ASIC2: variants seen among roughly 807,000 people sequenced by gnomAD.
ASIC2 encodes acid-sensing ion channel 2.
In ASIC2, 25 loss-of-function variants were observed where a neutral mutation model predicts 57.3. The ratio of observed to expected loss-of-function variants is 0.44; its 90% CI spans 0.32 to 0.61. The LOEUF is 0.61. ASIC2 is among the 20% of genes least tolerant of loss of function. The probability of loss-of-function intolerance (pLI) is 0.06; values close to 1 mark genes in which losing one functional copy is unlikely to be tolerated. For synonymous variants in ASIC2, 319 were observed against 307.5 expected (o/e 1.04, Z -0.39); for missense variants, 641 against 738.1 (o/e 0.87, Z 1.52).
intron 1 of ASIC2, among the ~76,000 whole-genome samples, chr17:34,124,046 C>T (rs936032699): frequency 3.3e-5 from 5 of 152,044 alleles, no homozygotes; most frequent in Non-Finnish European, 1.5e-5. Context: ...ATGCCACTGC[C>T]CTCCCGCCTG....
At chr17:33,029,432 A>G (rs1319617335) in intron 3 of ASIC2, among the ~76,000 whole-genome samples, 1 of 152,204 alleles carries the variant, frequency 6.6e-6, no homozygotes, top group Non-Finnish European at 1.5e-5. Context: ...TCTGAGGTTC[A>G]TCTACATGGT....
rs765631881 is a variant in ASIC2 at position 33,021,242 on chromosome 17, G to A, written c.1418C>T (p.Ala473Val). Reference sequence around the variant, plus strand: ...ACCAAGTAAGGCAGCAACTTCATACGCCTTCTTCTGTTCAATTGTCTCATA... The same window carrying A: ...ACCAAGTAAGGCAGCAACTTCATACACCTTCTTCTGTTCAATTGTCTCATA... The part of the protein sequence containing the change: ...LNYETIEQKK[A>V]YEVAALLGDI... The change falls in exon 7 of 10, where the codon GCG becomes GTG. Residue 473 changes from alanine to valine, a missense_variant. Physicochemically the swap from Ala to Val is moderately conservative, Grantham distance 64 (BLOSUM62 0). This residue lies in a region of ASIC2 where 252 missense variants were observed against 319.8 expected (regional missense o/e 0.79). Coordinates refer to ENST00000225823, the MANE Select transcript of ASIC2 (RefSeq NM_183377.2). The A allele has an allele frequency of 7.3e-6, 11 of 1,510,814 alleles. No individual in the cohort carries two copies. Among genetic ancestry groups the A allele is most frequent in the East Asian group, 5.5e-5 (2 of 36,670 alleles). 93.6% of individuals were successfully genotyped at this position (1,510,814 alleles called of 1,614,324 possible).
At chr17:34,023,372 G>C (rs2142030740) in intron 1 of ASIC2, among the ~76,000 whole-genome samples, 1 of 107,218 alleles carries the variant, frequency 9.3e-6, no homozygotes, top group South Asian at 3.0e-4. Context: ...CTCTCTCTCT[G>C]TCACAAACAC....
intron 1 of ASIC2, among the ~76,000 whole-genome samples, chr17:33,902,516 G>A (rs1211963466): frequency 1.3e-5 from 2 of 152,168 alleles, no homozygotes; most frequent in Admixed American, 6.5e-5. Flanking sequence ...CAGCACTGTG[G>A]TGGACAGCGA....
intron 1 of ASIC2, among the ~76,000 whole-genome samples, chr17:33,452,804 CA>C (rs1485937968): frequency 6.9e-6 from 1 of 145,246 alleles, no homozygotes; most frequent in Non-Finnish European, 1.5e-5. Flanking sequence ...AAGGAAGAAA[CA>C]AAGGTTTATG....
At chr17:33,976,144 T>C (rs534270774) in intron 1 of ASIC2, among the ~76,000 whole-genome samples, 36 of 149,094 alleles carry the variant, frequency 2.4e-4, no homozygotes, top group African/African-American at 8.6e-4. Context: ...TTACAGATGA[T>C]CTTGGATCAT....
chr17:33,821,750 G>A (rs1005250788), intron 1 of ASIC2, among the ~76,000 whole-genome samples: 2 of 152,144 alleles, frequency 1.3e-5, no homozygotes, highest in Non-Finnish European at 2.9e-5. Context: ...TTCGGTAACT[G>A]TTTCACTTGT....
chr17:34,099,370 A>G (rs1042561931), intron 1 of ASIC2, among the ~76,000 whole-genome samples: 2 of 149,146 alleles, frequency 1.3e-5, no homozygotes, highest in African/African-American at 2.5e-5. Context: ...AAGGAAGGAA[A>G]GAAAGAAAAA....
intron 1 of ASIC2, among the ~76,000 whole-genome samples, chr17:33,119,484 A>G (rs1313721228): frequency 6.6e-6 from 1 of 152,264 alleles, no homozygotes; most frequent in Non-Finnish European, 1.5e-5. Flanking sequence ...CCAGGCTTCC[A>G]GTAAACAAAA....
chr17:33,361,065 G>T (rs535173204), intron 1 of ASIC2, among the ~76,000 whole-genome samples: 2 of 152,194 alleles, frequency 1.3e-5, no homozygotes, highest in Admixed American at 1.3e-4. Flanking sequence ...TGGAACCCTT[G>T]TTGGTCTTCA....
intron 1 of ASIC2, among the ~76,000 whole-genome samples, chr17:34,050,902 A>C (rs1185307196): frequency 6.6e-6 from 1 of 152,216 alleles, no homozygotes; most frequent in Non-Finnish European, 1.5e-5. Context: ...TATTTCCAGG[A>C]AAGGACAGCC....
chr17:33,822,502 A>C lies in ASIC2; in HGVS notation c.555+333476T>G, dbSNP rs547406887. ...TTATTTTAATAGATCATTGAAGCAA[A>C]TCCTTCAGATTTTTCACTCTTTTCT... On this transcript the variant is annotated intron_variant, in intron 1 of 9. Coordinates refer to the ASIC2 transcript ENST00000359872. Among the ~76,000 whole-genome samples, 79 of 152,164 alleles carry C rather than the reference A, an allele frequency of 5.2e-4. 1 individual carries two copies. Among genetic ancestry groups the C allele is most frequent in the Non-Finnish European group, 6.5e-4 (44 of 68,024 alleles).
At chr17:33,105,526 T>C (rs969030518) in intron 2 of ASIC2, among the ~76,000 whole-genome samples, 5 of 152,196 alleles carry the variant, frequency 3.3e-5, no homozygotes, top group African/African-American at 1.2e-4. Context: ...AGTAAATAGG[T>C]ACCAGTAAAG....
At position 33,292,793 on chromosome 17, in the gene ASIC2, A is replaced by C. The variant is rs1905553293; in HGVS notation, c.-678T>G. On this transcript the variant is annotated 5_prime_UTR_variant, in exon 1 of 10. Coordinates refer to ENST00000225823, the MANE Select transcript of ASIC2 (RefSeq NM_183377.2). The stretch of plus-strand genomic sequence containing the variant: ...TTCCCCTCCAGGACCCTTCCTTGTT[A>C]CTGCTCCCTGGGCTGCGCTCGGCAG... 1.0e-6 allele frequency: 1 copy of C among 985,700 alleles called. No homozygotes were observed. Among genetic ancestry groups the C allele is most frequent in the Non-Finnish European group, 1.2e-6 (1 of 830,298 alleles). The allele number at this position is 985,700 out of a possible 1,614,324, so 61.1% of individuals were successfully genotyped here.
chr17:33,722,494 G>C (rs1425793908), intron 1 of ASIC2, among the ~76,000 whole-genome samples: 1 of 152,114 alleles, frequency 6.6e-6, no homozygotes, highest in East Asian at 1.9e-4. Context: ...GCTGGGTGTG[G>C]TGTGGCCCAT....
At chr17:33,104,184 G>C (rs2092225893) in intron 2 of ASIC2, among the ~76,000 whole-genome samples, 2 of 151,922 alleles carry the variant, frequency 1.3e-5, no homozygotes, top group Admixed American at 1.3e-4. Flanking sequence ...TTGTCCTTTG[G>C]GTTTATACTT....
chr17:33,756,624 C>T (rs1459966189), intron 1 of ASIC2, among the ~76,000 whole-genome samples: 1 of 152,212 alleles, frequency 6.6e-6, no homozygotes, highest in Non-Finnish European at 1.5e-5. Context: ...GAGCTCCCAC[C>T]TGGGCTGGGA....
chr17:34,065,353 AG>A (rs989750292), intron 1 of ASIC2, among the ~76,000 whole-genome samples: 1 of 152,072 alleles, frequency 6.6e-6, no homozygotes, highest in African/African-American at 2.4e-5. Flanking sequence ...TTGGGGACTT[AG>A]GGGGAAGAGT....
intron 1 of ASIC2, among the ~76,000 whole-genome samples, chr17:33,977,155 G>A (rs924559570): frequency 6.6e-5 from 10 of 152,054 alleles, no homozygotes; most frequent in Non-Finnish European, 1.3e-4. Context: ...TCCCTACACC[G>A]AGAAGAGGGC....
Sources: allele counts gnomAD v4.1 joint callset (sites outside exome capture counted in the v4.1 genomes callset), GRCh38; gene constraint gnomAD v4.1.1; regional missense constraint gnomAD v4.1.1; transcripts MANE v1.5; gene names NCBI Gene and HGNC (gene_info 2026-07-23, HGNC 2026-07-21).